FAR2: variants seen among roughly 807,000 people sequenced by gnomAD.
FAR2 encodes the protein fatty acyl-CoA reductase 2.
Under a neutral mutation model 56.0 loss-of-function variants are expected in FAR2, and 19 were observed. That is an observed-to-expected ratio of 0.34 (90% CI 0.24 to 0.50). The LOEUF (loss-of-function observed/expected upper bound fraction) is 0.50. FAR2 is among the 20% of genes least tolerant of loss of function. The pLI is 0.98. For missense variants in FAR2, 508 were observed against 642.2 expected (o/e 0.79, Z 2.26); for synonymous variants, 219 against 218.8 (o/e 1.00, Z -0.01).
At chr12:29,222,427 C>T (rs1947706655) in intron 1 of FAR2, among the ~76,000 whole-genome samples, 1 of 152,094 alleles carries the variant, frequency 6.6e-6, no homozygotes, top group Non-Finnish European at 1.5e-5. Context: ...GTGAATTCAA[C>T]TCCAAATACA....
chr12:29,212,122 A>T (rs1012965331), intron 1 of FAR2, among the ~76,000 whole-genome samples: 1 of 152,066 alleles, frequency 6.6e-6, no homozygotes, highest in African/African-American at 2.4e-5. Context: ...GAAATATTTT[A>T]TCCTATTTTT....
At chr12:29,303,744 A>C (rs1161010762) in intron 4 of FAR2, among the ~76,000 whole-genome samples, 1 of 152,260 alleles carries the variant, frequency 6.6e-6, no homozygotes, top group African/African-American at 2.4e-5. Context: ...AGCTGATTCT[A>C]GCACTTGTGC....
At chr12:29,221,007 G>A (rs1179102056) in intron 1 of FAR2, among the ~76,000 whole-genome samples, 8 of 152,096 alleles carry the variant, frequency 5.3e-5, no homozygotes, top group Non-Finnish European at 1.2e-4. Flanking sequence ...GCGCTTGGGA[G>A]GGGCTACTGG....
chr12:29,217,265 G>A (rs1050077682), intron 1 of FAR2, among the ~76,000 whole-genome samples: 1 of 152,172 alleles, frequency 6.6e-6, no homozygotes, highest in African/African-American at 2.4e-5. Flanking sequence ...GCTCAGTCCG[G>A]GTATGGGAAG....
Position 29,311,951 on chromosome 12 carries a change from G to A in FAR2, c.955+1G>A. On this transcript the variant is annotated splice_donor_variant, in intron 8 of 11. Coordinates refer to ENST00000536681, the MANE Select transcript of FAR2 (RefSeq NM_001271783.2). LOFTEE classifies it high-confidence loss of function. Reference sequence around the variant, plus strand: ...AATCCCTGCAATTGGCACAAAATGGGTAAGTACTTTAGCTATGTAACTCTA... The same window carrying A: ...AATCCCTGCAATTGGCACAAAATGGATAAGTACTTTAGCTATGTAACTCTA... The A allele has an allele frequency of 6.2e-7, 1 of 1,605,700 alleles. No individual in the cohort carries two copies. The highest frequency in any genetic ancestry group is 2.2e-5 in the East Asian group (1 of 44,754).
chr12:29,266,608 A>G (rs1180480871), intron 1 of FAR2, among the ~76,000 whole-genome samples: 2 of 152,150 alleles, frequency 1.3e-5, no homozygotes, highest in East Asian at 3.9e-4. Context: ...TAAGTCAACA[A>G]TAATTTATTG....
At chr12:29,251,352 C>G (rs894179469) in intron 1 of FAR2, among the ~76,000 whole-genome samples, 1 of 152,128 alleles carries the variant, frequency 6.6e-6, no homozygotes, top group African/African-American at 2.4e-5. Flanking sequence ...CCCAAAGGCA[C>G]CCTTGGCCCT....
chr12:29,276,570 G>T (rs529300028), intron 2 of FAR2, among the ~76,000 whole-genome samples: 22 of 152,214 alleles, frequency 1.4e-4, no homozygotes, highest in Middle Eastern at 3.4e-3. Context: ...TTATTGCTGC[G>T]TATCCCAAAA....
At chr12:29,151,135 T>C (rs544074540) in intron 1 of FAR2, among the ~76,000 whole-genome samples, 2 of 152,338 alleles carry the variant, frequency 1.3e-5, no homozygotes, top group East Asian at 3.9e-4. Context: ...GTCTCATCAG[T>C]GTTAAGAATT....
At position 29,293,430 on chromosome 12, in the gene FAR2, T is replaced by C. The variant is rs1591937122; in HGVS notation, c.320T>C (p.Ile107Thr). The C allele has an allele frequency of 6.2e-7, 1 of 1,606,226 alleles. No individual in the cohort carries two copies. The change falls in exon 3 of 12, where the codon ATA (isoleucine) becomes ACA (threonine). Residue 107 changes from isoleucine to threonine, a missense_variant. Coordinates refer to ENST00000536681, the MANE Select transcript of FAR2 (RefSeq NM_001271783.2). ...CAGGAGCTTCTCTCCTGTACAAACA[T>C]AATATTTCACTGTGCAGCCACTGTA... ...DMQELLSCTN[I>T]IFHCAATVRF...
chr12:29,264,710 G>C (rs1948484420), intron 1 of FAR2, among the ~76,000 whole-genome samples: 1 of 151,406 alleles, frequency 6.6e-6, no homozygotes, highest in South Asian at 2.1e-4. Context: ...AGAAAAGGCA[G>C]CTAAATTGGA....
intron 1 of FAR2, among the ~76,000 whole-genome samples, chr12:29,177,289 C>G (rs550291596): frequency 1.3e-5 from 2 of 151,996 alleles, no homozygotes; most frequent in African/African-American, 2.4e-5. Flanking sequence ...ATAGCAATGG[C>G]GGGGGGGATC....
intron 1 of FAR2, among the ~76,000 whole-genome samples, chr12:29,170,972 C>T (rs561375728): frequency 4.6e-4 from 70 of 152,256 alleles, no homozygotes; most frequent in Admixed American, 1.0e-3. Context: ...AGGTTAGGAA[C>T]TCCCTTTCTT....
intron 1 of FAR2, among the ~76,000 whole-genome samples, chr12:29,253,328 G>T (rs867764281): frequency 1.7e-4 from 23 of 131,722 alleles, no homozygotes; most frequent in African/African-American, 6.4e-4. Flanking sequence ...TATCTATCTA[G>T]ATAGATATCT....
chr12:29,196,601 A>G (rs1950146457), intron 1 of FAR2, among the ~76,000 whole-genome samples: 1 of 152,122 alleles, frequency 6.6e-6, no homozygotes, highest in Admixed American at 6.5e-5. Context: ...CTCACCATAT[A>G]AAAAAAGCAA....
Position 29,305,881 on chromosome 12 carries a change from C to G in FAR2, c.546-1777C>G, listed in dbSNP as rs550586988. 1.9e-4 allele frequency among the ~76,000 whole-genome samples: 29 copies of G among 152,272 alleles called. 1 individual carries two copies. The South Asian group carries it at 4.6e-3, about 24-fold the overall frequency. ...CAAGCTTTATAAGGCCCCTATCCCC[C>G]CAAATATTATCCTTTCCATGTACCC... On this transcript the variant is annotated intron_variant, in intron 4 of 11. Transcript: ENST00000536681.
intron 1 of FAR2, among the ~76,000 whole-genome samples, chr12:29,193,043 G>C (rs746740617): frequency 6.6e-6 from 1 of 152,292 alleles, no homozygotes; most frequent in Non-Finnish European, 1.5e-5. Flanking sequence ...ATTTATAGCA[G>C]AGGGTCAAAA....
chr12:29,203,571 A>C (rs1238040426), intron 1 of FAR2, among the ~76,000 whole-genome samples: 4 of 152,210 alleles, frequency 2.6e-5, no homozygotes, highest in Non-Finnish European at 5.9e-5. Context: ...AGGTGACTGA[A>C]TCCATTTCAT....
chr12:29,212,823 C>T lies in FAR2; in HGVS notation c.-38-57589C>T, dbSNP rs1012375912. 5.9e-5 allele frequency among the ~76,000 whole-genome samples: 9 copies of T among 152,230 alleles called. No homozygotes were observed. The East Asian group carries it at 1.7e-3, about 29-fold the overall frequency. On this transcript the variant is annotated intron_variant, in intron 1 of 11. Coordinates refer to ENST00000536681, the MANE Select transcript of FAR2 (RefSeq NM_001271783.2). ...CAGAATCGTTTTTGCAGGAGCCAAACTTGGGTTTGAATTATCCTGCTATTA... is the reference window on the plus strand; with the variant it reads ...CAGAATCGTTTTTGCAGGAGCCAAATTTGGGTTTGAATTATCCTGCTATTA...
Sources: gnomAD v4.1 joint callset for allele counts (sites outside exome capture counted in the v4.1 genomes callset) on GRCh38, gnomAD v4.1.1 for gene constraint, MANE v1.5 for transcripts, NCBI Gene and HGNC (gene_info 2026-07-23, HGNC 2026-07-21) for gene names.